MED16: variants seen among roughly 807,000 people sequenced by gnomAD.
MED16 encodes the protein mediator complex subunit 16, also known as mediator of RNA polymerase II transcription subunit 16.
Under a neutral mutation model 84.4 loss-of-function variants are expected in MED16, and 81 were observed. The observed-to-expected ratio is 0.96, with a 90% CI of 0.80 to 1.15. The LOEUF (loss-of-function observed/expected upper bound fraction) is 1.15. Ranked by LOEUF, MED16 falls within the 50% of genes most tolerant of loss-of-function variation. The pLI is 0.00. For synonymous variants in MED16, 897 were observed against 552.2 expected, an observed-to-expected ratio of 1.62 and a Z score of -8.76; for missense variants, 1,585 against 1,245.9, an observed-to-expected ratio of 1.27 and a Z score of -4.10.
chr19:884,693 G>A (rs549727214), intron 6 of MED16, among the ~76,000 whole-genome samples: 6 of 152,322 alleles, frequency 3.9e-5, no homozygotes, highest in African/African-American at 7.2e-5. Context: ...GTGGAAGGAT[G>A]GAGGAGTCTA....
At chr19:878,385 T>G (rs2036317716) in intron 8 of MED16, among the ~76,000 whole-genome samples, 1 of 95,852 alleles carries the variant, frequency 1.0e-5, no homozygotes. Flanking sequence ...CAGCCCCACG[T>G]GCCCCAGCAG....
chr19:868,799 A>G (rs567293472), intron 14 of MED16, 64 bp downstream of exon 14: 57 of 1,492,240 alleles, frequency 3.8e-5, no homozygotes, highest in South Asian at 3.8e-4. Context: ...GGTGGGGGCT[A>G]GAATCAGCTG....
rs202246547 is a variant in MED16 at position 880,192 on chromosome 19, C to T, written c.1142-44G>A. ...GCTTAGACATGGGCAGGGCCCAGGA[C>T]ACGCCCGCCGGGGGAGGGGCCTCCT... On this transcript the variant is annotated intron_variant, in intron 7 of 15. Coordinates refer to ENST00000325464, the MANE Select transcript of MED16 (RefSeq NM_005481.3). The T allele has an allele frequency of 7.8e-6, 12 of 1,539,608 alleles. No individual in the cohort carries two copies. In the Admixed American group the frequency reaches 1.7e-4, roughly 22 times the overall value.
At chr19:878,238 C>A (rs1302678250) in intron 8 of MED16, among the ~76,000 whole-genome samples, 4 of 43,208 alleles carry the variant, frequency 9.3e-5, no homozygotes, top group South Asian at 1.0e-3. Flanking sequence ...CCCACCAGCC[C>A]CAGCCCCAGC....
chr19:871,782 GGGGAGAGCGGGGAGAA>G (rs1568319290), intron 12 of MED16, 128 bp downstream of exon 12: 7 of 387,408 alleles, frequency 1.8e-5, no homozygotes, highest in African/African-American at 1.3e-4. Context: ...AGAGGGGAGA[GGGGAGAGCGGGGAGAA>G]GGGAGAGCGG....
chr19:882,501 G>A (rs1371643386), intron 6 of MED16, among the ~76,000 whole-genome samples: 1 of 152,172 alleles, frequency 6.6e-6, no homozygotes, highest in African/African-American at 2.4e-5. Flanking sequence ...TCCAGCCTGG[G>A]CAACACAGCA....
intron 8 of MED16, 83 bp from the exon 9 acceptor site, chr19:877,263 G>A (rs376924513): frequency 1.6e-5 from 22 of 1,377,996 alleles, no homozygotes; most frequent in Admixed American, 1.2e-4. Flanking sequence ...CTGGGGCTGC[G>A]GCACGTGTGT....
chr19:882,156 A>C (rs1352930909), intron 6 of MED16, among the ~76,000 whole-genome samples: 1 of 152,242 alleles, frequency 6.6e-6, no homozygotes, highest in East Asian at 1.9e-4. Context: ...CCCCTGCGTG[A>C]AGACGCAGCT....
chr19:876,815 T>C (rs1599326384), intron 9 of MED16, among the ~76,000 whole-genome samples, 159 bp downstream of exon 9: 1 of 151,436 alleles, frequency 6.6e-6, no homozygotes, highest in Admixed American at 6.6e-5. Flanking sequence ...GGCACTTTAC[T>C]GACCACGGGG....
chr19:880,190 G>C (rs771445317), intron 7 of MED16, 42 bp from the exon 8 acceptor site: 9 of 1,544,564 alleles, frequency 5.8e-6, no homozygotes, highest in Non-Finnish European at 6.9e-6. Flanking sequence ...CAGGGCCCAG[G>C]ACACGCCCGC....
At position 876,885 on chromosome 19, in the gene MED16, ACCTGCCACGGGGCC is replaced by A. The variant is rs1345184029; in HGVS notation, c.1560+75_1560+88del. ...CGGGACCACCTGCCACGGGGCCCCC[ACCTGCCACGGGGCC>A]CCACCTGCCACGGGGCCCCCACCTG... On this transcript the variant is annotated intron_variant, in intron 9 of 15. Transcript: ENST00000325464. The A allele has an allele frequency of 8.6e-5, 117 of 1,353,066 alleles. No homozygotes were observed. The African/African-American group carries it at 9.9e-4, about 11-fold the overall frequency. The allele number at this position is 1,353,066 out of a possible 1,614,324, so 83.8% of individuals were successfully genotyped here.
At position 874,991 on chromosome 19, in the gene MED16, C is replaced by G. The variant is rs1006431092; in HGVS notation, c.1771+253G>C. On this transcript the variant is annotated intron_variant, in intron 10 of 15. Coordinates refer to ENST00000325464, the MANE Select transcript of MED16 (RefSeq NM_005481.3). ...CAGCCTGGCCAACATGGTGAAACCC[C>G]GTCTCTACTAAAAATACAAAAAATC... Among the ~76,000 whole-genome samples, 96 of 149,178 alleles carry G rather than the reference C, an allele frequency of 6.4e-4. 1 individual carries two copies. Among genetic ancestry groups the G allele is most frequent in the South Asian group, 8.6e-4 (4 of 4,676 alleles).
intron 6 of MED16, among the ~76,000 whole-genome samples, chr19:884,486 G>A (rs887545862): frequency 1.3e-5 from 2 of 152,114 alleles, no homozygotes; most frequent in Non-Finnish European, 2.9e-5. Context: ...TCCTCTCCCT[G>A]AACCAGGTTC....
Position 881,622 on chromosome 19 carries a change from G to T in MED16, c.1078C>A (p.Pro360Thr), listed in dbSNP as rs970443720. ...RVSAVALPKL[P>T]ISLTNTDLKV... ...AGGTCGGTGTTGGTGAGCGAGATGG[G>T]CAGCTTGGGCAGCGCCACGGCCGAC... The change falls in exon 7 of 16, where the codon CCC becomes ACC. Residue 360 changes from proline to threonine, a missense_variant. By Grantham distance (38) the Pro-to-Thr change is conservative. Transcript: ENST00000325464. The T allele has an allele frequency of 5.0e-6, 8 of 1,612,672 alleles. No homozygotes were observed. Among genetic ancestry groups the T allele is most frequent in the Non-Finnish European group, 6.8e-6 (8 of 1,179,896 alleles).
chr19:888,181 G>A (rs1325114767), intron 4 of MED16, among the ~76,000 whole-genome samples: 1 of 151,702 alleles, frequency 6.6e-6, no homozygotes, highest in Non-Finnish European at 1.5e-5. Flanking sequence ...TCCAGCCTGG[G>A]CAACAGAGCA....
chr19:872,604 TG>T lies in MED16; in HGVS notation c.1906-487del, dbSNP rs1158061332. Among the ~76,000 whole-genome samples the T allele has an allele frequency of 4.9e-4, 37 of 75,000 alleles. 1 individual carries two copies. In the East Asian group the frequency reaches 0.014, roughly 28 times the overall value. The allele number at this position is 75,000 out of a possible 152,430, so 49.2% of individuals were successfully genotyped here. ...GGCCCCAGGGCAGGATGAAGCCGGG[TG>T]GGTGGGGCAGAAGAAATCACAGCTG... On this transcript the variant is annotated intron_variant, in intron 11 of 15. Transcript: ENST00000325464.
intron 5 of MED16, among the ~76,000 whole-genome samples, chr19:885,221 T>G (rs1265040504): frequency 6.6e-6 from 1 of 152,030 alleles, no homozygotes; most frequent in East Asian, 1.9e-4. Flanking sequence ...GATGGTGCCC[T>G]CCCACAGGGA....
In MED16 at chr19:881,790, G is replaced by A. The variant is rs1390580854; in HGVS notation, c.986-76C>T. 1.0e-5 allele frequency: 16 copies of A among 1,532,100 alleles called. No individual in the cohort carries two copies. In the Admixed American group the frequency reaches 2.1e-4, roughly 20 times the overall value. 94.9% of individuals were successfully genotyped at this position (1,532,100 alleles called of 1,614,324 possible). On this transcript the variant is annotated intron_variant, in intron 6 of 15. Coordinates refer to ENST00000325464, the MANE Select transcript of MED16 (RefSeq NM_005481.3). ...TGAGACAGCCGCAGGAGTCCAGCAT[G>A]GCCTGGTGTGCAACCTGCCCAGGGC... is the stretch of plus-strand genomic sequence containing the variant.
At chr19:885,717 G>A in intron 5 of MED16, 53 bp downstream of exon 5, 2 of 1,575,906 alleles carry the variant, frequency 1.3e-6, no homozygotes, top group South Asian at 1.1e-5. Flanking sequence ...ACCCTGAGAA[G>A]CAGTGCTTCA....
Sources: gnomAD v4.1 joint callset for allele counts (sites outside exome capture counted in the v4.1 genomes callset) on GRCh38, gnomAD v4.1.1 for gene constraint, MANE v1.5 for transcripts, NCBI Gene and HGNC (gene_info 2026-07-23, HGNC 2026-07-21) for gene names.